Variants in SGCZ observed in about 807,000 individuals in gnomAD.
The protein encoded by SGCZ is sarcoglycan zeta.
Under a neutral mutation model 41.3 loss-of-function variants are expected in SGCZ, and 40 were observed. The observed-to-expected ratio is 0.97, with a 90% confidence interval of 0.75 to 1.26. The LOEUF is 1.26. SGCZ is among the 50% of genes most tolerant of loss of function. The pLI, the probability that SGCZ is intolerant of heterozygous loss-of-function variation, is 0.00. For synonymous variants in SGCZ, 206 were observed against 137.5 expected (o/e 1.50, Z -3.49); for missense variants, 552 against 369.8 (o/e 1.49, Z -4.04).
chr8:14,138,756 C>G (rs983777068), intron 5 of SGCZ, among the ~76,000 whole-genome samples: 2 of 151,970 alleles, frequency 1.3e-5, no homozygotes, highest in African/African-American at 2.4e-5. Flanking sequence ...ATTTTAACAC[C>G]CCACTGTAAA....
At chr8:14,934,311 ATG>A (rs1274265002) in intron 1 of SGCZ, among the ~76,000 whole-genome samples, 2 of 152,008 alleles carry the variant, frequency 1.3e-5, no homozygotes, top group Non-Finnish European at 2.9e-5. Flanking sequence ...TATAAAATAT[ATG>A]TGTCTGTAAT....
intron 1 of SGCZ, among the ~76,000 whole-genome samples, chr8:14,699,330 T>C (rs887842090): frequency 3.3e-5 from 5 of 151,546 alleles, no homozygotes; most frequent in African/African-American, 4.8e-5. Context: ...TACAACCATA[T>C]GATCTTCAGC....
At chr8:15,033,208 C>T (rs1254435576) in intron 1 of SGCZ, among the ~76,000 whole-genome samples, 2 of 151,886 alleles carry the variant, frequency 1.3e-5, no homozygotes, top group East Asian at 1.9e-4. Flanking sequence ...CCCCTGTGGC[C>T]CTAGGAATCA....
At chr8:14,389,945 C>A (rs545862020) in intron 2 of SGCZ, among the ~76,000 whole-genome samples, 1 of 151,998 alleles carries the variant, frequency 6.6e-6, no homozygotes, top group South Asian at 2.1e-4. Context: ...AAGTTAAAAA[C>A]GGTGTGAGTA....
chr8:14,610,715 T>C (rs1468084870), intron 1 of SGCZ, among the ~76,000 whole-genome samples: 1 of 152,114 alleles, frequency 6.6e-6, no homozygotes, highest in South Asian at 2.1e-4. Flanking sequence ...AAAAAATAAG[T>C]TGCATCTGTT....
intron 1 of SGCZ, among the ~76,000 whole-genome samples, chr8:14,854,903 A>C (rs1585321094): frequency 2.0e-5 from 3 of 151,616 alleles, no homozygotes; most frequent in East Asian, 3.9e-4. Context: ...GAGATATGTC[A>C]GCATGTCCAC....
chr8:14,884,250 T>A (rs1804703099), intron 1 of SGCZ, among the ~76,000 whole-genome samples: 1 of 152,166 alleles, frequency 6.6e-6, no homozygotes, highest in South Asian at 2.1e-4. Flanking sequence ...TATCCTTCCC[T>A]TAGTGCCAAA....
chr8:14,473,537 C>T lies in SGCZ; in HGVS notation c.234+81195G>A, dbSNP rs1801270006. 2.0e-5 allele frequency among the ~76,000 whole-genome samples: 3 copies of T among 152,024 alleles called. No homozygotes were observed. In the South Asian group the frequency reaches 6.2e-4, roughly 32 times the overall value. On this transcript the variant is annotated intron_variant, in intron 2 of 7. Coordinates refer to ENST00000382080, the MANE Select transcript of SGCZ (RefSeq NM_139167.4). ...CCAAAAACTAAAATATCAATTTTGA[C>T]CCAGAATTGTCAACTACATAGGTGT...
intron 1 of SGCZ, among the ~76,000 whole-genome samples, chr8:14,591,634 A>G (rs887194368): frequency 5.3e-5 from 8 of 152,130 alleles, no homozygotes; most frequent in African/African-American, 1.9e-4. Flanking sequence ...TAACATTAAC[A>G]TTTTTATAAA....
At chr8:14,602,529 AC>A (rs1409953108) in intron 1 of SGCZ, among the ~76,000 whole-genome samples, 2 of 152,072 alleles carry the variant, frequency 1.3e-5, no homozygotes, top group Non-Finnish European at 2.9e-5. Flanking sequence ...TAGTGAAAAA[AC>A]TAATTAATTA....
At chr8:15,014,300 T>C (rs944458734) in intron 1 of SGCZ, among the ~76,000 whole-genome samples, 1 of 152,154 alleles carries the variant, frequency 6.6e-6, no homozygotes, top group East Asian at 1.9e-4. Flanking sequence ...CTGGGCGTGG[T>C]GTCAGCCCCC....
chr8:14,383,566 G>C (rs574033117), intron 2 of SGCZ, among the ~76,000 whole-genome samples: 1 of 152,268 alleles, frequency 6.6e-6, no homozygotes, highest in Middle Eastern at 3.4e-3. Context: ...CAGCAAAAAA[G>C]AACATGTGAA....
intron 1 of SGCZ, among the ~76,000 whole-genome samples, chr8:15,198,058 TTATA>T (rs1356639566): frequency 6.7e-6 from 1 of 148,720 alleles, no homozygotes; most frequent in Admixed American, 6.7e-5. Context: ...ATATATTACA[TTATA>T]TATGTATAAT....
At chr8:14,723,187 AAGTC>A (rs1433745185) in intron 1 of SGCZ, among the ~76,000 whole-genome samples, 14 of 152,230 alleles carry the variant, frequency 9.2e-5, no homozygotes, top group African/African-American at 3.4e-4. Context: ...GATTTTGACT[AAGTC>A]AGCATAATTG....
In SGCZ at chr8:15,228,818, A is replaced by C. The variant is rs147916645; in HGVS notation, c.39+8767T>G. ...AGTTCACCAATTACACAACTATCGTAGACAAATGAAGTCATGCAAACAAAA... is the reference window on the plus strand; with the variant it reads ...AGTTCACCAATTACACAACTATCGTCGACAAATGAAGTCATGCAAACAAAA... On this transcript the variant is annotated intron_variant, in intron 1 of 7. Coordinates refer to ENST00000382080, the MANE Select transcript of SGCZ (RefSeq NM_139167.4). Among the ~76,000 whole-genome samples the C allele has an allele frequency of 2.3e-3, 347 of 152,350 alleles. 1 individual carries two copies. The highest frequency in any genetic ancestry group is 7.9e-3 in the African/African-American group (328 of 41,590).
At position 14,638,374 on chromosome 8, in the gene SGCZ, A is replaced by T. The variant is rs1216687541; in HGVS notation, c.40-83448T>A. ...CCTACCTGAGTTTATGCTCCTCATT[A>T]CTCCTTGCTCACAAATTGGAATACA... On this transcript the variant is annotated intron_variant, in intron 1 of 7. Coordinates refer to ENST00000382080, the MANE Select transcript of SGCZ (RefSeq NM_139167.4). 2.0e-5 allele frequency among the ~76,000 whole-genome samples: 3 copies of T among 151,640 alleles called. No homozygotes were observed. The East Asian group carries it at 5.8e-4, about 29-fold the overall frequency.
At chr8:14,904,212 A>C (rs530678953) in intron 1 of SGCZ, among the ~76,000 whole-genome samples, 91 of 152,152 alleles carry the variant, frequency 6.0e-4, no homozygotes, top group Non-Finnish European at 1.0e-3. Context: ...TTTCTCTGAA[A>C]ATTCTTCCCC....
intron 1 of SGCZ, among the ~76,000 whole-genome samples, chr8:14,808,765 A>G (rs529155136): frequency 1.3e-5 from 2 of 152,072 alleles, no homozygotes; most frequent in Admixed American, 6.6e-5. Context: ...ATGCTGCTAT[A>G]AAGACACATG....
chr8:14,344,684 G>A (rs1489603010), intron 2 of SGCZ, among the ~76,000 whole-genome samples: 1 of 152,054 alleles, frequency 6.6e-6, no homozygotes, highest in Non-Finnish European at 1.5e-5. Flanking sequence ...TGTAAGTAAT[G>A]CACAGGATGA....
Sources: gnomAD v4.1 joint callset for allele counts (sites outside exome capture counted in the v4.1 genomes callset) on GRCh38, gnomAD v4.1.1 for gene constraint, MANE v1.5 for transcripts, NCBI Gene and HGNC (gene_info 2026-07-23, HGNC 2026-07-21) for gene names.